STK3: variants seen among roughly 807,000 people sequenced by gnomAD.
STK3 encodes serine/threonine kinase 3, also known as serine/threonine-protein kinase 3.
A neutral mutation model predicts 58.0 loss-of-function variants in STK3; 41 were observed. That is an observed-to-expected ratio of 0.71 (90% CI 0.55 to 0.92). STK3 has a LOEUF of 0.92. Ranked by LOEUF, STK3 falls within the 40% of genes least tolerant of loss-of-function variation. STK3 has a pLI of 0.00. For missense variants in STK3, 479 were observed against 602.7 expected (o/e 0.79, Z 2.15); for synonymous variants, 170 against 191.0 (o/e 0.89, Z 0.91).
chr8:98,893,918 T>C (rs889391220), intron 1 of STK3, among the ~76,000 whole-genome samples: 6 of 152,246 alleles, frequency 3.9e-5, no homozygotes, highest in Admixed American at 2.0e-4. Context: ...TTCGGAAAAG[T>C]ATTAAAGTTT....
At chr8:98,425,989 G>A (rs888442210) in intron 3 of STK3, among the ~76,000 whole-genome samples, 13 of 152,138 alleles carry the variant, frequency 8.5e-5, no homozygotes, top group African/African-American at 3.1e-4. Flanking sequence ...CCCAGGGACT[G>A]GGTCCATTTC....
chr8:98,535,502 C>T (rs934303501), intron 9 of STK3, among the ~76,000 whole-genome samples: 2 of 148,824 alleles, frequency 1.3e-5, no homozygotes, highest in African/African-American at 5.0e-5. Flanking sequence ...TGCTGAGGCT[C>T]TCGTTATGGT....
chr8:98,632,556 G>A (rs1241523218), intron 6 of STK3, among the ~76,000 whole-genome samples: 1 of 152,136 alleles, frequency 6.6e-6, no homozygotes, highest in Non-Finnish European at 1.5e-5. Flanking sequence ...ACTTAGATCT[G>A]ACGCAGAGGA....
chr8:98,348,516 G>A, the STK3 span, among the ~76,000 whole-genome samples: 3 of 152,078 alleles, frequency 2.0e-5, no homozygotes, highest in East Asian at 3.8e-4. Context: ...TGCAAAAGAC[G>A]CATTTAATAA....
chr8:98,350,112 G>A, the STK3 span, among the ~76,000 whole-genome samples: 2 of 152,048 alleles, frequency 1.3e-5, no homozygotes, highest in African/African-American at 4.8e-5. Context: ...AAAACTGAAT[G>A]CCTTTAACAG....
intron 6 of STK3, among the ~76,000 whole-genome samples, chr8:98,675,676 C>G (rs917469000): frequency 6.6e-6 from 1 of 151,962 alleles, no homozygotes; most frequent in African/African-American, 2.4e-5. Context: ...TCCTGGCCAA[C>G]ACGGTGAAAC....
chr8:98,894,049 CTCAG>C (rs1838360591), intron 1 of STK3, among the ~76,000 whole-genome samples: 1 of 152,146 alleles, frequency 6.6e-6, no homozygotes, highest in African/African-American at 2.4e-5. Context: ...TACTACTGAC[CTCAG>C]TCAATCACCC....
At chr8:98,857,841 T>TA (rs1262894472) in intron 3 of STK3, among the ~76,000 whole-genome samples, 1 of 151,918 alleles carries the variant, frequency 6.6e-6, no homozygotes, top group Non-Finnish European at 1.5e-5. Context: ...ATTACAGGAT[T>TA]AAAAAAAGCT....
intron 10 of STK3, among the ~76,000 whole-genome samples, chr8:98,502,171 T>G (rs1823659993): frequency 6.6e-6 from 1 of 152,332 alleles, no homozygotes; most frequent in East Asian, 1.9e-4. Flanking sequence ...GTAGCAATTG[T>G]GAATGGGAGT....
At chr8:98,624,862 A>G (rs924283907) in intron 6 of STK3, among the ~76,000 whole-genome samples, 2 of 140,934 alleles carry the variant, frequency 1.4e-5, no homozygotes, top group African/African-American at 5.0e-5. Context: ...CTCAAAAAAG[A>G]AAAAAAAAAG....
At chr8:98,904,178 G>A (rs895647450) in intron 1 of STK3, among the ~76,000 whole-genome samples, 1 of 152,166 alleles carries the variant, frequency 6.6e-6, no homozygotes, top group Non-Finnish European at 1.5e-5. Flanking sequence ...TTCAATGTTA[G>A]AGTCCAGAAC....
intron 1 of STK3, among the ~76,000 whole-genome samples, chr8:98,777,344 G>C (rs1831763446): frequency 6.6e-6 from 1 of 151,970 alleles, no homozygotes. Flanking sequence ...CCGGGCAAAC[G>C]GCGGAACCCT....
chr8:98,904,257 T>C (rs773778381), intron 1 of STK3, among the ~76,000 whole-genome samples: 1 of 151,980 alleles, frequency 6.6e-6, no homozygotes, highest in Non-Finnish European at 1.5e-5. Flanking sequence ...ATGCTGCAGG[T>C]AGGCAGGGAG....
chr8:98,706,509 C>T lies in STK3; in HGVS notation c.642G>A (p.Met214Ile), dbSNP rs764439932. The T allele has an allele frequency of 1.3e-5, 21 of 1,613,422 alleles. No homozygotes were observed. The highest frequency in any genetic ancestry group is 2.7e-5 in the African/African-American group (2 of 74,906). The part of the protein sequence containing the change: ...IWSLGITSIE[M>I]AEGKPPYADI... ...CAGCATAAGGAGGTTTTCCTTCAGC[C>T]ATTTCTATAGAAGTAATGCCAAGGG... Residue 214 changes from methionine to isoleucine, a missense_variant, in exon 6 of 11, where the codon ATG becomes ATA. Met to Ile is a conservative substitution (Grantham distance 10, BLOSUM62 1). Transcript: ENST00000419617.
chr8:98,685,759 AG>A (rs1395922024), intron 6 of STK3, among the ~76,000 whole-genome samples: 1 of 152,112 alleles, frequency 6.6e-6, no homozygotes, highest in African/African-American at 2.4e-5. Flanking sequence ...GCAAAAAAAT[AG>A]GGAAGAGAAA....
At chr8:98,405,071 G>A (rs527379979) in intron 3 of STK3, among the ~76,000 whole-genome samples, 1 of 152,290 alleles carries the variant, frequency 6.6e-6, no homozygotes, top group South Asian at 2.1e-4. Context: ...AAAGGCCCTT[G>A]TAGCTATGTA....
At chr8:98,765,246 G>A (rs1384162748) in intron 3 of STK3, among the ~76,000 whole-genome samples, 1 of 152,156 alleles carries the variant, frequency 6.6e-6, no homozygotes, top group Non-Finnish European at 1.5e-5. Context: ...CAAATTGTGG[G>A]AACCACAGTT....
At chr8:98,549,763 T>C (rs1164195821) in intron 8 of STK3, among the ~76,000 whole-genome samples, 3 of 152,200 alleles carry the variant, frequency 2.0e-5, no homozygotes, top group Admixed American at 6.5e-5. Flanking sequence ...GACCAACTGA[T>C]AATCACAGTG....
chr8:98,853,409 G>T (rs1230480886), intron 3 of STK3, among the ~76,000 whole-genome samples: 1 of 152,150 alleles, frequency 6.6e-6, no homozygotes, highest in Non-Finnish European at 1.5e-5. Context: ...CTTACTGCTG[G>T]TCTCTGGTCT....
Sources: allele counts gnomAD v4.1 joint callset (sites outside exome capture counted in the v4.1 genomes callset), GRCh38; gene constraint gnomAD v4.1.1; transcripts MANE v1.5; gene names NCBI Gene and HGNC (gene_info 2026-07-23, HGNC 2026-07-21).